IL34: variants seen among roughly 807,000 people sequenced by gnomAD.
IL34 encodes the protein interleukin-34.
A neutral mutation model predicts 25.3 loss-of-function variants in IL34; 17 were observed. The ratio of observed to expected loss-of-function variants is 0.67; its 90% CI spans 0.46 to 1.01. The LOEUF is 1.01. IL34 is among the 50% of genes least tolerant of loss of function. IL34 has a pLI of 0.00. For synonymous variants in IL34, 174 were observed against 140.9 expected (o/e 1.23, Z -1.66); for missense variants, 368 against 312.9 (o/e 1.18, Z -1.33).
chr16:70,611,536 C>T (rs1235254980), intron 1 of IL34, among the ~76,000 whole-genome samples: 1 of 152,144 alleles, frequency 6.6e-6, no homozygotes, highest in Non-Finnish European at 1.5e-5. Flanking sequence ...CACCTGTAAT[C>T]CCAGCTCTTT....
At chr16:70,624,994 C>T (rs1422999988) in intron 1 of IL34, among the ~76,000 whole-genome samples, 3 of 152,000 alleles carry the variant, frequency 2.0e-5, no homozygotes, top group Non-Finnish European at 2.9e-5. Context: ...AAAAGAATGC[C>T]TGGACATCAG....
At chr16:70,595,034 A>C (rs1056112913) in intron 1 of IL34, among the ~76,000 whole-genome samples, 3 of 148,340 alleles carry the variant, frequency 2.0e-5, no homozygotes, top group Non-Finnish European at 4.4e-5. Context: ...GGCTCACTGC[A>C]ACCTCTGCCT....
chr16:70,622,254 A>G (rs1275902979), intron 1 of IL34, among the ~76,000 whole-genome samples: 5 of 152,052 alleles, frequency 3.3e-5, no homozygotes, highest in East Asian at 3.9e-4. Context: ...GAAAGTGTCT[A>G]TTTAGACTAA....
chr16:70,603,526 C>T (rs983222925), intron 1 of IL34, among the ~76,000 whole-genome samples: 3 of 152,082 alleles, frequency 2.0e-5, no homozygotes, highest in Non-Finnish European at 4.4e-5. Flanking sequence ...GATCCACCCG[C>T]CTCAGCCTCC....
At chr16:70,652,459 G>C (rs2052104502) in intron 1 of IL34, among the ~76,000 whole-genome samples, 1 of 152,146 alleles carries the variant, frequency 6.6e-6, no homozygotes, top group African/African-American at 2.4e-5. Flanking sequence ...GACCCTATTT[G>C]AAAAGAAAAA....
chr16:70,602,559 T>G (rs2050933588), intron 1 of IL34, among the ~76,000 whole-genome samples: 1 of 147,792 alleles, frequency 6.8e-6, no homozygotes, highest in Non-Finnish European at 1.5e-5. Flanking sequence ...AAAATGAGAG[T>G]GAGAATTCCT....
intron 1 of IL34, among the ~76,000 whole-genome samples, chr16:70,582,072 A>G (rs1004905976): frequency 3.3e-5 from 5 of 152,360 alleles, no homozygotes; most frequent in Non-Finnish European, 7.3e-5. Flanking sequence ...TTAACTAGCC[A>G]GGCAAAATTG....
intron 5 of IL34, 40 bp from the exon 6 acceptor site, chr16:70,659,957 C>T: frequency 6.5e-7 from 1 of 1,531,396 alleles, no homozygotes; most frequent in Non-Finnish European, 8.8e-7. Context: ...TGGTCTTGAA[C>T]ACTGCTGCAG....
intron 1 of IL34, among the ~76,000 whole-genome samples, chr16:70,637,716 G>C (rs1044225672): frequency 6.6e-6 from 1 of 152,210 alleles, no homozygotes; most frequent in Admixed American, 6.5e-5. Flanking sequence ...AAGGATGTCA[G>C]ATAGTTTCCC....
chr16:70,614,719 T>G (rs1314828334), intron 1 of IL34, among the ~76,000 whole-genome samples: 1 of 152,236 alleles, frequency 6.6e-6, no homozygotes, highest in African/African-American at 2.4e-5. Context: ...CACAGTGTCT[T>G]GCAATAGCAA....
At chr16:70,618,092 T>C (rs1316443678) in intron 1 of IL34, among the ~76,000 whole-genome samples, 1 of 152,092 alleles carries the variant, frequency 6.6e-6, no homozygotes, top group Non-Finnish European at 1.5e-5. Context: ...GATGGAACAC[T>C]GAGAAGTTAT....
At position 70,593,015 on chromosome 16, in the gene IL34, C is replaced by G. The variant is rs138998013; in HGVS notation, c.-401+12966C>G. On this transcript the variant is annotated intron_variant, in intron 1 of 6. Coordinates refer to the IL34 transcript ENST00000429149. ...TTTTTCTTTTTTTAATAAATAGAGA[C>G]GGGGTTTCACCATATTGGCCAGGCT... is the stretch of plus-strand genomic sequence containing the variant. Among the ~76,000 whole-genome samples the G allele has an allele frequency of 6.6e-5, 10 of 152,034 alleles. No individual in the cohort carries two copies. In the East Asian group the frequency reaches 1.9e-3, roughly 29 times the overall value.
intron 1 of IL34, among the ~76,000 whole-genome samples, chr16:70,586,474 T>C (rs2050695757): frequency 6.6e-6 from 1 of 152,138 alleles, no homozygotes; most frequent in African/African-American, 2.4e-5. Context: ...GAGGATTGCT[T>C]GAGCCCTGGA....
chr16:70,581,467 A>G (rs1158094729), intron 1 of IL34, among the ~76,000 whole-genome samples: 1 of 150,048 alleles, frequency 6.7e-6, no homozygotes, highest in Non-Finnish European at 1.5e-5. Flanking sequence ...TGTATTCTGC[A>G]TCCAGAATGA....
At chr16:70,648,588 A>C in intron 1 of IL34, among the ~76,000 whole-genome samples, 1 of 150,778 alleles carries the variant, frequency 6.6e-6, no homozygotes, top group Non-Finnish European at 1.5e-5. Context: ...AGAAAAGAAA[A>C]AGAGAGAAAG....
chr16:70,629,004 G>C (rs1001133435), intron 1 of IL34, among the ~76,000 whole-genome samples: 2 of 152,036 alleles, frequency 1.3e-5, no homozygotes, highest in Admixed American at 1.3e-4. Context: ...TGCCCAGGCT[G>C]GTCTCAAACT....
chr16:70,599,725 A>G (rs2050888281), intron 1 of IL34, among the ~76,000 whole-genome samples: 1 of 149,252 alleles, frequency 6.7e-6, no homozygotes. Context: ...CCCAGGATAG[A>G]GTATAGTGGT....
chr16:70,582,136 G>GT (rs2050642497), intron 1 of IL34, among the ~76,000 whole-genome samples: 1 of 152,196 alleles, frequency 6.6e-6, no homozygotes, highest in Non-Finnish European at 1.5e-5. Flanking sequence ...CAGCTTCATC[G>GT]TAACTAGAGT....
At position 70,648,865 on chromosome 16, in the gene IL34, G is replaced by A. The variant is rs535327683; in HGVS notation, c.28+1890G>A. 8.5e-5 allele frequency among the ~76,000 whole-genome samples: 13 copies of A among 152,238 alleles called. No individual in the cohort carries two copies. The South Asian group carries it at 2.1e-3, about 24-fold the overall frequency. On this transcript the variant is annotated intron_variant, in intron 1 of 5. Transcript: ENST00000288098. ...GGGCTGCGTTCCCTCTAAAGGTGCCGAGAAGGAGCCTCCCTTGCCTCTTCC... is the reference window on the plus strand; with the variant it reads ...GGGCTGCGTTCCCTCTAAAGGTGCCAAGAAGGAGCCTCCCTTGCCTCTTCC...
Sources: gnomAD v4.1 joint callset for allele counts (sites outside exome capture counted in the v4.1 genomes callset) on GRCh38, gnomAD v4.1.1 for gene constraint, MANE v1.5 for transcripts, NCBI Gene and HGNC (gene_info 2026-07-23, HGNC 2026-07-21) for gene names.